The following CCSER2 variants were observed in gnomAD, a reference collection of about 807,000 sequenced individuals.
The protein encoded by CCSER2 is coiled-coil serine rich protein 2.
In CCSER2, 46 loss-of-function variants were observed where a neutral mutation model predicts 92.3. The ratio of observed to expected loss-of-function variants is 0.50; its 90% CI spans 0.39 to 0.64. The LOEUF (loss-of-function observed/expected upper bound fraction) is 0.64, where lower values mean the gene tolerates loss of function less well. CCSER2 is among the 30% of genes least tolerant of loss of function. CCSER2 has a pLI of 0.00. For missense variants in CCSER2, 1,244 were observed against 1,238.9 expected, an observed-to-expected ratio of 1.00 and a Z score of -0.06; for synonymous variants, 433 against 431.4, an observed-to-expected ratio of 1.00 and a Z score of -0.04.
chr10:84,332,078 C>G (rs1313519828), intron 1 of CCSER2, among the ~76,000 whole-genome samples: 2 of 152,142 alleles, frequency 1.3e-5, no homozygotes, highest in Non-Finnish European at 2.9e-5. Flanking sequence ...ACTAGATTTA[C>G]TTCTAAAAGA....
chr10:84,489,061 A>C (rs1777120), intron 9 of CCSER2, among the ~76,000 whole-genome samples: 11,619 of 152,146 alleles, frequency 0.076, 491 homozygotes, highest in Middle Eastern at 0.12. Flanking sequence ...GAGTGACTTT[A>C]TTAATCCTGA....
chr10:84,467,193 T>G (rs1366604156), intron 7 of CCSER2, among the ~76,000 whole-genome samples: 1 of 152,244 alleles, frequency 6.6e-6, no homozygotes, highest in Non-Finnish European at 1.5e-5. Context: ...CTCCTTTGGC[T>G]TTTGTGTCAC....
intron 1 of CCSER2, among the ~76,000 whole-genome samples, chr10:84,343,514 C>T (rs969564602): frequency 1.3e-5 from 2 of 152,168 alleles, no homozygotes; most frequent in African/African-American, 2.4e-5. Context: ...CCAGTAGGAA[C>T]GCCAAACACA....
At chr10:84,490,987 G>T (rs571573218) in intron 9 of CCSER2, among the ~76,000 whole-genome samples, 2 of 152,354 alleles carry the variant, frequency 1.3e-5, no homozygotes, top group South Asian at 4.1e-4. Context: ...AGGTCTGTTG[G>T]AATTTGCTGG....
At chr10:84,409,917 C>A (rs1842565758) in intron 3 of CCSER2, among the ~76,000 whole-genome samples, 1 of 152,112 alleles carries the variant, frequency 6.6e-6, no homozygotes, top group South Asian at 2.1e-4. Context: ...CCTCCTCCCA[C>A]CCCCTGCCCT....
intron 1 of CCSER2, among the ~76,000 whole-genome samples, chr10:84,343,064 G>T (rs1476440834): frequency 6.6e-6 from 1 of 152,104 alleles, no homozygotes; most frequent in Non-Finnish European, 1.5e-5. Context: ...GTAGAGTCCG[G>T]GGTTTACCAT....
intron 3 of CCSER2, among the ~76,000 whole-genome samples, chr10:84,411,536 G>A (rs12769025): frequency 0.21 from 31,913 of 151,772 alleles, 3,601 homozygotes; most frequent in Admixed American, 0.34. Context: ...TGTTAGCTGT[G>A]TTAATACGTA....
At position 84,373,633 on chromosome 10, in the gene CCSER2, A is replaced by G; in HGVS notation, c.1432A>G (p.Thr478Ala). The part of the protein sequence containing the change: ...DISVSDRSEC[T>A]KHTSGNNLVS... ...TTCTCTTGAAGACAGGAGTGAATGTACAAAACATACTTCTGGGAATAATTT... is the reference window on the plus strand; with the variant it reads ...TTCTCTTGAAGACAGGAGTGAATGTGCAAAACATACTTCTGGGAATAATTT... The change falls in exon 3 of 10, where the codon ACA (threonine) becomes GCA (alanine). Residue 478 changes from threonine (T) to alanine (A), a missense_variant. Physicochemically the swap from Thr to Ala is moderately conservative, Grantham distance 58. Transcript: ENST00000372088. 1 of 1,612,090 alleles carries G rather than the reference A, an allele frequency of 6.2e-7. No individual in the cohort carries two copies. The highest frequency in any genetic ancestry group is 1.1e-5 in the South Asian group (1 of 90,994).
chr10:84,457,335 T>TAAA (rs1564685171), intron 6 of CCSER2, among the ~76,000 whole-genome samples: 17 of 43,520 alleles, frequency 3.9e-4, no homozygotes, highest in African/African-American at 9.8e-4. Context: ...ATATAATATA[T>TAAA]TATATATTAT....
At chr10:84,442,887 G>T (rs1362544899) in intron 6 of CCSER2, among the ~76,000 whole-genome samples, 1 of 152,134 alleles carries the variant, frequency 6.6e-6, no homozygotes, top group Non-Finnish European at 1.5e-5. Flanking sequence ...ACAAAAACAA[G>T]CAATGGGGAA....
At chr10:84,378,557 C>G (rs1029512875) in intron 3 of CCSER2, among the ~76,000 whole-genome samples, 75 of 151,862 alleles carry the variant, frequency 4.9e-4, no homozygotes, top group African/African-American at 1.7e-3. Flanking sequence ...GCCTCAGCCT[C>G]CCGAGTAGCT....
intron 1 of CCSER2, among the ~76,000 whole-genome samples, chr10:84,331,091 T>G (rs1843539144): frequency 6.6e-6 from 1 of 152,198 alleles, no homozygotes; most frequent in Non-Finnish European, 1.5e-5. Context: ...TTGAAAGAAT[T>G]AACAGATTAT....
chr10:84,360,639 C>G (rs1414841081), intron 1 of CCSER2, among the ~76,000 whole-genome samples: 1 of 152,170 alleles, frequency 6.6e-6, no homozygotes, highest in Non-Finnish European at 1.5e-5. Context: ...TCAGTTAGCC[C>G]GCTCTTGCAG....
chr10:84,483,664 A>G (rs1847588624), intron 9 of CCSER2, among the ~76,000 whole-genome samples: 1 of 152,020 alleles, frequency 6.6e-6, no homozygotes, highest in Non-Finnish European at 1.5e-5. Context: ...AGTGCAGGCA[A>G]ACGATTTATC....
At chr10:84,485,694 AT>A (rs1427980058) in intron 9 of CCSER2, among the ~76,000 whole-genome samples, 6 of 152,012 alleles carry the variant, frequency 3.9e-5, no homozygotes, top group Admixed American at 1.3e-4. Flanking sequence ...AGCATTTTTG[AT>A]TTCTTTAATC....
intron 1 of CCSER2, among the ~76,000 whole-genome samples, chr10:84,332,868 T>G (rs1843656850): frequency 6.6e-6 from 1 of 152,136 alleles, no homozygotes; most frequent in Non-Finnish European, 1.5e-5. Flanking sequence ...ATGAATGCCA[T>G]GTACCTGTTT....
chr10:84,354,361 C>T (rs1845041679), intron 1 of CCSER2, among the ~76,000 whole-genome samples: 1 of 151,846 alleles, frequency 6.6e-6, no homozygotes, highest in African/African-American at 2.4e-5. Flanking sequence ...CATCTTGTCT[C>T]CTGAAACTGC....
intron 3 of CCSER2, among the ~76,000 whole-genome samples, chr10:84,404,591 C>T (rs1416309082): frequency 2.0e-5 from 3 of 152,136 alleles, no homozygotes; most frequent in African/African-American, 4.8e-5. Context: ...GTCCGATTAG[C>T]TAGTGAACTA....
chr10:84,391,425 G>A (rs543172199), intron 3 of CCSER2: 57 of 1,548,620 alleles, frequency 3.7e-5, no homozygotes, highest in South Asian at 1.7e-4. Flanking sequence ...CTAGAAGTTC[G>A]ACAGAGTTAT....
Sources: gnomAD v4.1 joint callset for allele counts (sites outside exome capture counted in the v4.1 genomes callset) on GRCh38, gnomAD v4.1.1 for gene constraint, MANE v1.5 for transcripts, NCBI Gene and HGNC (gene_info 2026-07-23, HGNC 2026-07-21) for gene names.